MPP7: variants seen among roughly 807,000 people sequenced by gnomAD.
The protein encoded by MPP7 is MAGUK p55 subfamily member 7.
Under a neutral mutation model 76.5 loss-of-function variants are expected in MPP7, and 60 were observed. The observed-to-expected ratio is 0.78, with a 90% CI of 0.64 to 0.97. The LOEUF (loss-of-function observed/expected upper bound fraction) is 0.97. Ranked by LOEUF, MPP7 falls within the 50% of genes least tolerant of loss-of-function variation. The pLI, the probability that MPP7 is intolerant of heterozygous loss-of-function variation, is 0.00. For missense variants in MPP7, 641 were observed against 694.0 expected (o/e 0.92, Z 0.86); for synonymous variants, 237 against 244.5 (o/e 0.97, Z 0.29).
At chr10:28,167,675 G>GATAT (rs1836530842) in intron 3 of MPP7, among the ~76,000 whole-genome samples, 1 of 146,200 alleles carries the variant, frequency 6.8e-6, no homozygotes, top group Admixed American at 6.9e-5. Flanking sequence ...AAAGTTTGCT[G>GATAT]GTATATATAT....
chr10:28,316,469 A>C (rs1386112458), intron 2 of MPP7, among the ~76,000 whole-genome samples: 4 of 136,176 alleles, frequency 2.9e-5, no homozygotes, highest in Non-Finnish European at 6.2e-5. Flanking sequence ...AAAAAAAAAA[A>C]AAACTATCTG....
chr10:28,232,464 C>A (rs975226036), intron 2 of MPP7, among the ~76,000 whole-genome samples: 3 of 151,858 alleles, frequency 2.0e-5, no homozygotes, highest in Admixed American at 2.0e-4. Flanking sequence ...CATGAAGAGG[C>A]AAGCAAAGAG....
chr10:28,209,244 C>T (rs1222816657), intron 2 of MPP7, among the ~76,000 whole-genome samples: 3 of 152,172 alleles, frequency 2.0e-5, no homozygotes, highest in South Asian at 2.1e-4. Context: ...GCAGGAATAT[C>T]GCTTGAGGCC....
chr10:28,294,958 C>T (rs1589036771), intron 1 of MPP7, among the ~76,000 whole-genome samples: 2 of 151,334 alleles, frequency 1.3e-5, no homozygotes, highest in African/African-American at 2.4e-5. Flanking sequence ...AACCACTACA[C>T]TTACGTTTCC....
At chr10:28,173,499 T>A (rs1303581120) in intron 3 of MPP7, among the ~76,000 whole-genome samples, 1 of 152,178 alleles carries the variant, frequency 6.6e-6, no homozygotes, top group Non-Finnish European at 1.5e-5. Flanking sequence ...ACATGAGGCA[T>A]TTCTATGTAT....
chr10:28,208,162 G>A (rs1332527151), intron 2 of MPP7, among the ~76,000 whole-genome samples: 3 of 152,124 alleles, frequency 2.0e-5, no homozygotes, highest in South Asian at 2.1e-4. Flanking sequence ...ACAGGAGAAC[G>A]TGTGTTTGCA....
In MPP7 at chr10:28,052,682, A is replaced by T. The variant is rs1564605491; in HGVS notation, c.*1383T>A. 6.6e-6 allele frequency: 1 copy of T among 152,468 alleles called. No individual in the cohort carries two copies. Among genetic ancestry groups the T allele is most frequent in the South Asian group, 2.1e-4 (1 of 4,830 alleles). 9.4% of individuals were successfully genotyped at this position (152,468 alleles called of 1,614,324 possible). A position where few individuals can be genotyped will look rare whatever the true frequency, so the allele number is the denominator to read the frequency against. ...ATAGCCCCGTTTGATATTTAAAAAAATATGCCTTTAAAATATTTCATAAAT... is the reference window on the plus strand; with the variant it reads ...ATAGCCCCGTTTGATATTTAAAAAATTATGCCTTTAAAATATTTCATAAAT... On this transcript the variant is annotated 3_prime_UTR_variant, in exon 17 of 17. Coordinates refer to ENST00000683449, the MANE Select transcript of MPP7 (RefSeq NM_001318170.2).
intron 12 of MPP7, among the ~76,000 whole-genome samples, chr10:28,083,101 A>G (rs1852838890): frequency 6.6e-6 from 1 of 152,182 alleles, no homozygotes; most frequent in Non-Finnish European, 1.5e-5. Context: ...ACTGGAAGGC[A>G]GCCATCTTGT....
intron 3 of MPP7, among the ~76,000 whole-genome samples, chr10:28,150,304 A>C (rs1482224699): frequency 6.6e-6 from 1 of 152,228 alleles, no homozygotes; most frequent in East Asian, 1.9e-4. Context: ...TGGAAAAAAC[A>C]GTCTTAATCA....
intron 1 of MPP7, among the ~76,000 whole-genome samples, chr10:28,245,702 C>A (rs542909469): frequency 6.6e-6 from 1 of 151,596 alleles, no homozygotes; most frequent in Non-Finnish European, 1.5e-5. Context: ...GTTGCCCAGG[C>A]TGGAGTACAG....
intron 12 of MPP7, among the ~76,000 whole-genome samples, chr10:28,075,788 C>T (rs1852456049): frequency 6.6e-6 from 1 of 152,202 alleles, no homozygotes; most frequent in African/African-American, 2.4e-5. Flanking sequence ...TGTACTTCCA[C>T]TTCCAAGGAA....
At chr10:28,115,072 T>G (rs1401975189) in intron 11 of MPP7, among the ~76,000 whole-genome samples, 1 of 151,326 alleles carries the variant, frequency 6.6e-6, no homozygotes, top group South Asian at 2.1e-4. Context: ...ACGTTAGGTT[T>G]TTTGTTTGTT....
rs768470715 is a variant in MPP7 at position 28,089,743 on chromosome 10, C to G, written c.1051G>C (p.Val351Leu). 6.2e-7 allele frequency: 1 copy of G among 1,613,758 alleles called. No individual in the cohort carries two copies. The change falls in exon 12 of 17, where the codon GTA (valine) becomes CTA (leucine). Residue 351 changes from valine to leucine, a missense_variant. Val to Leu is a conservative substitution (Grantham distance 32). Transcript: ENST00000683449. ...GGTGTCACTTCTTCGTATGTGGGTA[C>G]GTCAGCTGTGTCGTACTGATCACTC... ...KKSDQYDTAD[V>L]PTYEEVTPYR...
chr10:28,307,001 A>T (rs1266255643), upstream of MPP7, among the ~76,000 whole-genome samples: 1 of 152,130 alleles, frequency 6.6e-6, no homozygotes, highest in East Asian at 1.9e-4. Context: ...CACCTGCCTA[A>T]CCCTAACCCT....
At chr10:28,271,534 G>A (rs1487563570) in intron 1 of MPP7, among the ~76,000 whole-genome samples, 10 of 152,118 alleles carry the variant, frequency 6.6e-5, no homozygotes, top group Non-Finnish European at 1.3e-4. Context: ...CCTAAATATT[G>A]CTTCTTTCAA....
At chr10:28,281,871 T>C (rs776368893) in intron 1 of MPP7, 8 of 152,068 alleles carry the variant, frequency 5.3e-5, no homozygotes, top group Non-Finnish European at 8.8e-5. Flanking sequence ...TCTTAACCAT[T>C]AGGACGTATG....
intron 5 of MPP7, among the ~76,000 whole-genome samples, chr10:28,135,857 G>C (rs1835337700): frequency 6.6e-6 from 1 of 152,128 alleles, no homozygotes. Context: ...ATCTATAGCA[G>C]GGGTCTTCAA....
chr10:28,075,471 T>C (rs190351562), intron 12 of MPP7, among the ~76,000 whole-genome samples: 21 of 152,260 alleles, frequency 1.4e-4, no homozygotes, highest in African/African-American at 4.8e-5. Flanking sequence ...CACAGTCAAG[T>C]GTAAATTTTT....
At chr10:28,285,705 A>G (rs1237885969) in intron 1 of MPP7, among the ~76,000 whole-genome samples, 2 of 152,212 alleles carry the variant, frequency 1.3e-5, no homozygotes, top group Non-Finnish European at 2.9e-5. Context: ...AGTACAGGCC[A>G]CCACCTACGA....
Sources: gnomAD v4.1 joint callset for allele counts (sites outside exome capture counted in the v4.1 genomes callset) on GRCh38, gnomAD v4.1.1 for gene constraint, MANE v1.5 for transcripts, NCBI Gene and HGNC (gene_info 2026-07-23, HGNC 2026-07-21) for gene names.